The following NKX2-2 variants were observed in gnomAD, a reference collection of about 807,000 sequenced individuals.
NKX2-2 encodes homeobox protein Nkx-2.2.
In NKX2-2, 8 loss-of-function variants were observed where a neutral mutation model predicts 24.6. That is an observed-to-expected ratio of 0.32 (90% CI 0.19 to 0.59). NKX2-2 has a LOEUF of 0.59. Ranked by LOEUF, NKX2-2 falls within the 20% of genes least tolerant of loss-of-function variation. The pLI is 0.86. For missense variants in NKX2-2, 381 were observed against 373.9 expected (o/e 1.02, Z -0.16); for synonymous variants, 217 against 173.3 (o/e 1.25, Z -1.98).
At chr20:21,512,515 AGGCGTCTGGAG>A in intron 1 of NKX2-2, 30 bp from the exon 2 acceptor site, 1 of 1,460,744 alleles carries the variant, frequency 6.8e-7, no homozygotes, top group Non-Finnish European at 9.1e-7. Flanking sequence ...GAAGCGCGTC[AGGCGTCTGGAG>A]GCCGCGCGCA....
the NKX2-2 span, among the ~76,000 whole-genome samples, chr20:21,522,320 G>T: frequency 6.6e-6 from 1 of 152,152 alleles, no homozygotes; most frequent in Non-Finnish European, 1.5e-5. Flanking sequence ...GGCGCCGCTC[G>T]GCGGCGACGA....
At chr20:21,516,649 C>T (rs1980647569), upstream of NKX2-2, among the ~76,000 whole-genome samples, 1 of 152,192 alleles carries the variant, frequency 6.6e-6, no homozygotes, top group Non-Finnish European at 1.5e-5. Flanking sequence ...CCTTTTGTTC[C>T]TCCTCTTATT....
upstream of NKX2-2, among the ~76,000 whole-genome samples, chr20:21,516,260 A>C (rs980756263): frequency 1.3e-4 from 19 of 151,936 alleles, no homozygotes; most frequent in African/African-American, 4.6e-4. Context: ...CTTCATGTCG[A>C]CGCTCCCCGA....
upstream of NKX2-2, among the ~76,000 whole-genome samples, chr20:21,515,507 A>C (rs960372292): frequency 6.7e-6 from 1 of 149,812 alleles, no homozygotes; most frequent in Non-Finnish European, 1.5e-5. Context: ...TGGGAACTGA[A>C]CTTTCCCGGG....
chr20:21,515,082 A>C (rs956512045), upstream of NKX2-2, among the ~76,000 whole-genome samples: 1 of 151,872 alleles, frequency 6.6e-6, no homozygotes, highest in Non-Finnish European at 1.5e-5. Context: ...AGGAGCTCCA[A>C]CTTCGTCTGG....
upstream of NKX2-2, among the ~76,000 whole-genome samples, chr20:21,514,399 C>A (rs886502372): frequency 6.6e-6 from 1 of 150,690 alleles, no homozygotes; most frequent in Non-Finnish European, 1.5e-5. Context: ...ACGGGGCGAG[C>A]CTTTTTTTTT....
upstream of NKX2-2, among the ~76,000 whole-genome samples, chr20:21,518,702 C>T (rs1354904263): frequency 6.6e-6 from 1 of 152,250 alleles, no homozygotes; most frequent in East Asian, 1.9e-4. Flanking sequence ...CCTGCTTTCC[C>T]GGCTTCTGCC....
upstream of NKX2-2, among the ~76,000 whole-genome samples, chr20:21,518,368 T>G (rs1980692028): frequency 6.6e-6 from 1 of 152,260 alleles, no homozygotes; most frequent in South Asian, 2.1e-4. Context: ...ACGGACGCAT[T>G]GGGAGTCCTA....
At chr20:21,512,563 G>A (rs1246405505) in intron 1 of NKX2-2, 78 bp from the exon 2 acceptor site, 1 of 1,140,804 alleles carries the variant, frequency 8.8e-7, no homozygotes, top group Admixed American at 2.7e-5. Flanking sequence ...GAGCACCCTG[G>A]ATCCTCCGTG....
the NKX2-2 span, among the ~76,000 whole-genome samples, chr20:21,520,161 T>C: frequency 6.6e-6 from 1 of 152,214 alleles, no homozygotes; most frequent in Non-Finnish European, 1.5e-5. Flanking sequence ...TCAGATTCTG[T>C]GTCTGGGGGA....
chr20:21,512,492 G>C lies in NKX2-2; in HGVS notation c.260-7C>G. 1 of 1,547,988 alleles carries C rather than the reference G, an allele frequency of 6.5e-7. No individual in the cohort carries two copies. The highest frequency in any genetic ancestry group is 8.7e-7 in the Non-Finnish European group (1 of 1,154,854). ...CCGGCAGCCAGACCGTGCACTGGGG[G>C]GAGGGGGAGAGAGAAGCGCGTCAGG... On this transcript the variant is annotated splice_region_variant and splice_polypyrimidine_tract_variant and intron_variant, in intron 1 of 1. Coordinates refer to ENST00000377142, the MANE Select transcript of NKX2-2 (RefSeq NM_002509.4).
Position 21,511,621 on chromosome 20 carries a change from C to G in NKX2-2, c.*302G>C, listed in dbSNP as rs1980431095. On this transcript the variant is annotated 3_prime_UTR_variant, in exon 2 of 2. Coordinates refer to ENST00000377142, the MANE Select transcript of NKX2-2 (RefSeq NM_002509.4). ...GACATTAACGCTGGGACGGTTTGGT[C>G]CCCCCGGGGAGAGGCAAAGAAGCGA... 6.5e-5 allele frequency: 18 copies of G among 276,750 alleles called. No homozygotes were observed. The South Asian group carries it at 2.9e-3, about 45-fold the overall frequency. The allele number at this position is 276,750 out of a possible 1,614,324, so 17.1% of individuals were successfully genotyped here.
At chr20:21,520,618 G>A in the NKX2-2 span, among the ~76,000 whole-genome samples, 1 of 152,046 alleles carries the variant, frequency 6.6e-6, no homozygotes, top group African/African-American at 2.4e-5. Context: ...AAATGGAACC[G>A]GCCTCTCTCC....
At chr20:21,518,284 G>A (rs1441512594), upstream of NKX2-2, among the ~76,000 whole-genome samples, 1 of 152,076 alleles carries the variant, frequency 6.6e-6, no homozygotes, top group Non-Finnish European at 1.5e-5. Context: ...CCCTCAACTC[G>A]ATCTTTATTA....
At chr20:21,522,677 C>T in the NKX2-2 span, among the ~76,000 whole-genome samples, 2 of 151,508 alleles carry the variant, frequency 1.3e-5, no homozygotes, top group Non-Finnish European at 2.9e-5. Context: ...GGCGGCGGCT[C>T]GACGCGGCCG....
upstream of NKX2-2, among the ~76,000 whole-genome samples, chr20:21,515,694 A>T (rs1980618634): frequency 6.6e-6 from 1 of 152,086 alleles, no homozygotes; most frequent in South Asian, 2.1e-4. Flanking sequence ...GGAGGGGCAC[A>T]GAAGGCCACC....
chr20:21,511,709 G>A lies in NKX2-2; in HGVS notation c.*214C>T. The A allele has an allele frequency of 2.3e-6, 1 of 435,150 alleles. No individual in the cohort carries two copies. Among genetic ancestry groups the A allele is most frequent in the Non-Finnish European group, 4.0e-6 (1 of 248,608 alleles). The allele number at this position is 435,150 out of a possible 1,614,324, so 27.0% of individuals were successfully genotyped here. On this transcript the variant is annotated 3_prime_UTR_variant, in exon 2 of 2. Coordinates refer to ENST00000377142, the MANE Select transcript of NKX2-2 (RefSeq NM_002509.4). ...AGCCCTCTCCCAAGGTTCAGAAGGA[G>A]AGGCATGGGCAGAGCTGGGTGGGTG... is the stretch of plus-strand genomic sequence containing the variant.
chr20:21,511,858 C>T lies in NKX2-2; in HGVS notation c.*65G>A. The stretch of plus-strand genomic sequence containing the variant: ...ATAACCACCATAAGGACCGAGGCCT[C>T]CTCGCCGCCACCGCCGCCGGGGTGG... On this transcript the variant is annotated 3_prime_UTR_variant, in exon 2 of 2. Transcript: ENST00000377142. 1.5e-6 allele frequency: 2 copies of T among 1,339,922 alleles called. No homozygotes were observed. The highest frequency in any genetic ancestry group is 2.0e-6 in the Non-Finnish European group (2 of 986,794). The allele number at this position is 1,339,922 out of a possible 1,614,324, so 83.0% of individuals were successfully genotyped here.
chr20:21,519,226 A>C, the NKX2-2 span, among the ~76,000 whole-genome samples: 1 of 152,174 alleles, frequency 6.6e-6, no homozygotes, highest in Non-Finnish European at 1.5e-5. Flanking sequence ...TGGAATGAAA[A>C]AGGGTTGAAA....
Sources: allele counts gnomAD v4.1 joint callset (sites outside exome capture counted in the v4.1 genomes callset), GRCh38; gene constraint gnomAD v4.1.1; transcripts MANE v1.5; gene names NCBI Gene and HGNC (gene_info 2026-07-23, HGNC 2026-07-21).